Variants in TLL1 observed in about 807,000 individuals in gnomAD.
TLL1 encodes tolloid-like protein 1.
In TLL1, 49 loss-of-function variants were observed where a neutral mutation model predicts 128.2. The ratio of observed to expected loss-of-function variants is 0.38; its 90% CI spans 0.30 to 0.48. The LOEUF is 0.48. Among genes scored for constraint, TLL1 ranks in the 20% least tolerant of loss-of-function variants. The pLI is 0.96. For synonymous variants in TLL1, 454 were observed against 418.8 expected (o/e 1.08, Z -1.03); for missense variants, 1,123 against 1,242.0 (o/e 0.90, Z 1.44).
In TLL1 at chr4:166,078,223, C is replaced by G. The variant is rs1741128020; in HGVS notation, c.2442+193C>G. ...AGATCAAGGTGACTGCCACGTTGTT[C>G]TCCTCTAGGGTTTCTTATCCTGGAT... is the stretch of plus-strand genomic sequence containing the variant. On this transcript the variant is annotated intron_variant, in intron 18 of 20. Coordinates refer to ENST00000061240, the MANE Select transcript of TLL1 (RefSeq NM_012464.5). 2.0e-5 allele frequency among the ~76,000 whole-genome samples: 3 copies of G among 152,086 alleles called. No homozygotes were observed. The South Asian group carries it at 6.2e-4, about 32-fold the overall frequency.
chr4:166,053,978 GT>G (rs999189011), intron 12 of TLL1, among the ~76,000 whole-genome samples: 4 of 150,420 alleles, frequency 2.7e-5, no homozygotes, highest in African/African-American at 9.8e-5. Context: ...TATAAATTTT[GT>G]TTTTTTTTGT....
chr4:165,875,580 C>T (rs545247600), intron 1 of TLL1, among the ~76,000 whole-genome samples: 23 of 152,234 alleles, frequency 1.5e-4, no homozygotes, highest in East Asian at 5.8e-4. Flanking sequence ...TGGGCCACCC[C>T]GGATGGTTTG....
chr4:166,077,026 T>G (rs895190128), intron 17 of TLL1, among the ~76,000 whole-genome samples: 1 of 152,134 alleles, frequency 6.6e-6, no homozygotes, highest in Non-Finnish European at 1.5e-5. Context: ...CCAAATATAT[T>G]GCTCTGGAAA....
chr4:166,087,969 A>T (rs1026094165), intron 18 of TLL1, among the ~76,000 whole-genome samples: 9 of 152,118 alleles, frequency 5.9e-5, no homozygotes, highest in African/African-American at 2.2e-4. Flanking sequence ...GCCTTTCTAA[A>T]ACCCAGATTA....
At chr4:165,907,814 C>T (rs1732337933) in intron 1 of TLL1, among the ~76,000 whole-genome samples, 1 of 152,186 alleles carries the variant, frequency 6.6e-6, no homozygotes, top group South Asian at 2.1e-4. Context: ...TCCCAAAGTG[C>T]TGGGATTGCA....
chr4:166,010,706 C>A (rs949823407), intron 7 of TLL1, among the ~76,000 whole-genome samples: 3 of 150,948 alleles, frequency 2.0e-5, no homozygotes, highest in African/African-American at 7.3e-5. Context: ...GTGACATATC[C>A]AAGAAATCCT....
In TLL1 at chr4:166,099,537, C is replaced by A. The variant is rs1293301510; in HGVS notation, c.2907+10C>A. ...ATTCTGTGGATCCGGGGTAAATATA[C>A]CACCAACAGAATACCCTAGACATGA... On this transcript the variant is annotated intron_variant, in intron 20 of 20. Transcript: ENST00000061240. 6.2e-7 allele frequency: 1 copy of A among 1,612,586 alleles called. No individual in the cohort carries two copies. Among genetic ancestry groups the A allele is most frequent in the South Asian group, 1.1e-5 (1 of 91,060 alleles).
At chr4:166,014,975 A>G (rs1233180741) in intron 8 of TLL1, among the ~76,000 whole-genome samples, 2 of 151,988 alleles carry the variant, frequency 1.3e-5, no homozygotes, top group Non-Finnish European at 2.9e-5. Flanking sequence ...ACCATGGTTA[A>G]TGGCATATAA....
chr4:165,992,370 A>G (rs1204494836), intron 2 of TLL1, among the ~76,000 whole-genome samples: 3 of 151,964 alleles, frequency 2.0e-5, no homozygotes, highest in African/African-American at 2.4e-5. Flanking sequence ...TGCATTACAC[A>G]TTTGCTCTTC....
chr4:165,902,888 G>A (rs550759916), intron 1 of TLL1, among the ~76,000 whole-genome samples: 1 of 152,144 alleles, frequency 6.6e-6, no homozygotes, highest in Non-Finnish European at 1.5e-5. Context: ...TCTAAAACTT[G>A]TTTAAGAAAA....
chr4:165,961,952 G>A (rs1579549376), intron 1 of TLL1, among the ~76,000 whole-genome samples: 1 of 152,014 alleles, frequency 6.6e-6, no homozygotes, highest in East Asian at 1.9e-4. Context: ...AGACATCGAA[G>A]AAACATGACC....
At chr4:165,890,568 G>A (rs1731354674) in intron 1 of TLL1, among the ~76,000 whole-genome samples, 1 of 152,182 alleles carries the variant, frequency 6.6e-6, no homozygotes, top group African/African-American at 2.4e-5. Flanking sequence ...GAATCAAGGG[G>A]GGCAGTCAAA....
intron 12 of TLL1, chr4:166,044,489 TC>T: frequency 7.2e-7 from 1 of 1,384,478 alleles, no homozygotes; most frequent in South Asian, 1.3e-5. Flanking sequence ...CCATTTAACT[TC>T]CCAGATGTAT....
intron 8 of TLL1, among the ~76,000 whole-genome samples, chr4:166,023,850 T>C (rs1262539389): frequency 1.3e-5 from 2 of 152,192 alleles, no homozygotes; most frequent in South Asian, 4.1e-4. Context: ...TGGCATTCTC[T>C]GTGGCTTAGT....
At chr4:165,896,479 C>CTTTTTTTTTT (rs70955648) in intron 1 of TLL1, among the ~76,000 whole-genome samples, 1 of 102,162 alleles carries the variant, frequency 9.8e-6, no homozygotes, top group African/African-American at 3.6e-5. Flanking sequence ...AATGGTATTT[C>CTTTTTTTTTT]TTTTTTTTTT....
chr4:166,103,843 A>AG lies in TLL1; in HGVS notation c.*2967_*2968insG, dbSNP rs920587629. On this transcript the variant is annotated 3_prime_UTR_variant, in exon 21 of 21. Transcript: ENST00000061240. The stretch of plus-strand genomic sequence containing the variant: ...AAAGTCCTAACTGACTATACATAGA[A>AG]AAAAAAAAAAACACTGTTCTCACTT... 1 of 151,170 alleles carries AG rather than the reference A, an allele frequency of 6.6e-6. No homozygotes were observed. Among genetic ancestry groups the AG allele is most frequent in the Non-Finnish European group, 1.5e-5 (1 of 67,656 alleles). 9.4% of individuals were successfully genotyped at this position (151,170 alleles called of 1,614,324 possible). A position where few individuals can be genotyped will look rare whatever the true frequency, so the allele number is the denominator to read the frequency against.
At chr4:165,965,059 T>C (rs1735302453) in intron 1 of TLL1, among the ~76,000 whole-genome samples, 1 of 152,146 alleles carries the variant, frequency 6.6e-6, no homozygotes. Context: ...TATGAAATTA[T>C]GTTGATTGAT....
chr4:165,928,802 C>T (rs1733384553), intron 1 of TLL1, among the ~76,000 whole-genome samples: 2 of 152,202 alleles, frequency 1.3e-5, no homozygotes, highest in Admixed American at 6.5e-5. Context: ...CATTCTCCTA[C>T]TTTGCTTGTC....
chr4:165,937,169 C>G (rs1733801929), intron 1 of TLL1, among the ~76,000 whole-genome samples: 1 of 152,064 alleles, frequency 6.6e-6, no homozygotes, highest in African/African-American at 2.4e-5. Context: ...CTCCAAGATC[C>G]CTTCATTTAT....
Sources: gnomAD v4.1 joint callset for allele counts (sites outside exome capture counted in the v4.1 genomes callset) on GRCh38, gnomAD v4.1.1 for gene constraint, MANE v1.5 for transcripts, NCBI Gene and HGNC (gene_info 2026-07-23, HGNC 2026-07-21) for gene names.